The following ANO5 variants were observed in gnomAD, a reference collection of about 807,000 sequenced individuals.
ANO5 encodes anoctamin-5.
In ANO5, 109 loss-of-function variants were observed where a neutral mutation model predicts 121.0. The observed-to-expected ratio is 0.90, with a 90% CI of 0.77 to 1.06. ANO5 has a LOEUF of 1.06. ANO5 is among the 50% of genes least tolerant of loss of function. ANO5 has a pLI of 0.00. For missense variants in ANO5, 1,064 were observed against 1,078.5 expected (o/e 0.99, Z 0.19); for synonymous variants, 406 against 359.9 (o/e 1.13, Z -1.45).
chr11:22,242,515 CA>C (rs2133676685), intron 9 of ANO5, among the ~76,000 whole-genome samples: 1 of 152,142 alleles, frequency 6.6e-6, no homozygotes, highest in East Asian at 1.9e-4. Flanking sequence ...CTGATTCTTC[CA>C]ATCCATGAAC....
chr11:22,225,875 G>T (rs1852809896), intron 5 of ANO5, 109 bp from the exon 6 acceptor site: 1 of 772,424 alleles, frequency 1.3e-6, no homozygotes. Context: ...AACCATGGGA[G>T]GGGCAGAGAG....
chr11:22,271,642 T>C (rs1035824197), intron 18 of ANO5, among the ~76,000 whole-genome samples: 6 of 151,854 alleles, frequency 4.0e-5, no homozygotes, highest in East Asian at 1.9e-4. Context: ...TTTCATAAGA[T>C]TGTTTACCAC....
Position 22,259,508 on chromosome 11 carries a change from TC to T in ANO5, c.1408-9del. 1.2e-6 allele frequency: 2 copies of T among 1,611,858 alleles called. No individual in the cohort carries two copies. Among genetic ancestry groups the T allele is most frequent in the Non-Finnish European group, 1.7e-6 (2 of 1,177,914 alleles). On this transcript the variant is annotated splice_polypyrimidine_tract_variant and intron_variant, in intron 14 of 21. Coordinates refer to ENST00000324559, the MANE Select transcript of ANO5 (RefSeq NM_213599.3). ...AGACCCAAATAGCAGTTCTTTGTTT[TC>T]CTTTCCCAGATGTCTCTTGTCGTCA...
intron 17 of ANO5, among the ~76,000 whole-genome samples, chr11:22,269,581 AAGAAAG>A (rs1246396930): frequency 3.3e-5 from 5 of 151,782 alleles, no homozygotes; most frequent in Non-Finnish European, 5.9e-5. Flanking sequence ...GAAAAAAAGA[AAGAAAG>A]AGAAAGAAAG....
rs574962671 is a variant in ANO5, at chr11:22,249,281, A to G, written c.879-956A>G. On this transcript the variant is annotated intron_variant, in intron 9 of 21. Transcript: ENST00000324559. ...CATTTTAAAATCTCATTGAGAAAAAATGTTTATAACCTTTATGTTCAGATA... is the reference window on the plus strand; with the variant it reads ...CATTTTAAAATCTCATTGAGAAAAAGTGTTTATAACCTTTATGTTCAGATA... 2.6e-3 allele frequency among the ~76,000 whole-genome samples: 394 copies of G among 152,206 alleles called. 3 individuals carry two copies. The highest frequency in any genetic ancestry group is 4.5e-3 in the Non-Finnish European group (304 of 67,934).
intron 7 of ANO5, among the ~76,000 whole-genome samples, chr11:22,233,626 C>G (rs1254836049): frequency 6.6e-6 from 1 of 152,018 alleles, no homozygotes; most frequent in African/African-American, 2.4e-5. Flanking sequence ...TGAGCCAAAT[C>G]AGGACTGAAA....
At chr11:22,273,072 A>G (rs774568212) in intron 19 of ANO5, 83 bp downstream of exon 19, 1 of 1,345,916 alleles carries the variant, frequency 7.4e-7, no homozygotes, top group South Asian at 1.2e-5. Flanking sequence ...TAATCTTTAC[A>G]TGATTTCATT....
chr11:22,199,243 A>G (rs1590210134), intron 1 of ANO5, among the ~76,000 whole-genome samples: 1 of 152,298 alleles, frequency 6.6e-6, no homozygotes, highest in East Asian at 1.9e-4. Context: ...GAATAATAAC[A>G]ACAATATCAA....
Position 22,255,541 on chromosome 11 carries a change from A to G in ANO5, c.1332+19A>G. ...GACTAAGGTAGACTAGAAAACTGTG[A>G]AACGGACAGCATATCTCAATGGACA... On this transcript the variant is annotated intron_variant, in intron 13 of 21. Coordinates refer to ENST00000324559, the MANE Select transcript of ANO5 (RefSeq NM_213599.3). The G allele has an allele frequency of 1.2e-6, 2 of 1,612,058 alleles. No individual in the cohort carries two copies. The highest frequency in any genetic ancestry group is 1.7e-6 in the Non-Finnish European group (2 of 1,178,444).
At position 22,280,838 on chromosome 11, in the gene ANO5, T is replaced by A. The variant is rs1315390988; in HGVS notation, c.*1073T>A. ...CTCTGACACACAAGAAGTCATGTTG[T>A]TAGCTAGTGATTTGATGTGATGTAA... On this transcript the variant is annotated 3_prime_UTR_variant, in exon 22 of 22. Coordinates refer to ENST00000324559, the MANE Select transcript of ANO5 (RefSeq NM_213599.3). 3 of 152,030 alleles carry A rather than the reference T, an allele frequency of 2.0e-5. No homozygotes were observed. The highest frequency in any genetic ancestry group is 4.4e-5 in the Non-Finnish European group (3 of 67,892). 9.4% of individuals were successfully genotyped at this position (152,030 alleles called of 1,614,324 possible). A position where few individuals can be genotyped will look rare whatever the true frequency, so the allele number is the denominator to read the frequency against.
At chr11:22,220,498 G>C (rs950031199) in intron 4 of ANO5, among the ~76,000 whole-genome samples, 4 of 151,842 alleles carry the variant, frequency 2.6e-5, no homozygotes, top group Non-Finnish European at 4.4e-5. Flanking sequence ...AAAAAGGATT[G>C]ATTTTTGCTC....
At chr11:22,241,698 G>A (rs930076608) in intron 9 of ANO5, among the ~76,000 whole-genome samples, 1 of 152,014 alleles carries the variant, frequency 6.6e-6, no homozygotes, top group Non-Finnish European at 1.5e-5. Context: ...ATTTTGAGAA[G>A]TGTCTCTTCA....
At position 22,229,312 on chromosome 11, in the gene ANO5, T is replaced by C. The variant is rs146376315; in HGVS notation, c.648+1726T>C. ...AGATCTGATTCCATGTTTTTTCTAG[T>C]TCCTAAATAAATATTTTTAAAATTC... On this transcript the variant is annotated intron_variant, in intron 7 of 21. Coordinates refer to ENST00000324559, the MANE Select transcript of ANO5 (RefSeq NM_213599.3). Among the ~76,000 whole-genome samples, 1,343 of 152,086 alleles carry C rather than the reference T, an allele frequency of 8.8e-3. 11 individuals are homozygous for C. Among genetic ancestry groups the C allele is most frequent in the Middle Eastern group, 0.014 (4 of 294 alleles).
Position 22,203,819 on chromosome 11 carries a change from A to G in ANO5, c.56A>G (p.Lys19Arg), listed in dbSNP as rs1436991077. ...TTTAATTTAGGGGAAAAAGTCAATA[A>G]GCATATAGACTACTCTTTCCAAATG... The part of the protein sequence containing the change: ...VLAEEGEKVN[K>R]HIDYSFQMSE... Residue 19 changes from lysine (K) to arginine (R), a missense_variant, in exon 2 of 22, where the codon AAG becomes AGG. Lys to Arg is a conservative substitution (Grantham distance 26, BLOSUM62 2). Transcript: ENST00000324559. 3 of 1,474,350 alleles carry G rather than the reference A, an allele frequency of 2.0e-6. No individual in the cohort carries two copies. In the East Asian group the frequency reaches 6.9e-5, roughly 34 times the overall value. 91.3% of individuals were successfully genotyped at this position (1,474,350 alleles called of 1,614,324 possible).
intron 3 of ANO5, among the ~76,000 whole-genome samples, chr11:22,213,285 A>G (rs1852338965): frequency 6.6e-6 from 1 of 151,754 alleles, no homozygotes; most frequent in South Asian, 2.1e-4. Flanking sequence ...CCAATATCTC[A>G]TTGAGGATGC....
Position 22,276,111 on chromosome 11 carries a change from ATCC to A in ANO5, c.2437_2439del (p.Pro813del), listed in dbSNP as rs1297748781. The stretch of plus-strand genomic sequence containing the variant: ...CTTTTCAGGTACAGAGATTACAGAT[ATCC>A]TCCTGATGACGAGAATAAATATTTT... On this transcript the variant is annotated inframe_deletion, in exon 21 of 22. Coordinates refer to ENST00000324559, the MANE Select transcript of ANO5 (RefSeq NM_213599.3). The A allele has an allele frequency of 6.2e-7, 1 of 1,609,520 alleles. No individual in the cohort carries two copies. The highest frequency in any genetic ancestry group is 1.7e-5 in the Admixed American group (1 of 59,816).
intron 9 of ANO5, among the ~76,000 whole-genome samples, chr11:22,245,762 T>G (rs1255727981): frequency 6.6e-6 from 1 of 152,186 alleles, no homozygotes; most frequent in Non-Finnish European, 1.5e-5. Flanking sequence ...CAATGTGTTG[T>G]CTGTAGACAC....
intron 18 of ANO5, among the ~76,000 whole-genome samples, chr11:22,272,068 T>C (rs938362410): frequency 2.6e-5 from 4 of 152,180 alleles, no homozygotes; most frequent in Non-Finnish European, 5.9e-5. Flanking sequence ...ATTATTTTTT[T>C]CTTCAATCAT....
At chr11:22,270,512 C>A in intron 18 of ANO5, 70 bp downstream of exon 18, 2 of 1,519,276 alleles carry the variant, frequency 1.3e-6, no homozygotes, top group East Asian at 4.5e-5. Flanking sequence ...CCAGATACTT[C>A]TTTCTGCCTT....
Sources: allele counts gnomAD v4.1 joint callset (sites outside exome capture counted in the v4.1 genomes callset), GRCh38; gene constraint gnomAD v4.1.1; transcripts MANE v1.5; gene names NCBI Gene and HGNC (gene_info 2026-07-23, HGNC 2026-07-21).